Variants in EDIL3 observed in about 807,000 individuals in gnomAD.
EDIL3 encodes EGF-like repeat and discoidin I-like domain-containing protein 3.
A neutral mutation model predicts 67.4 loss-of-function variants in EDIL3; 37 were observed. The ratio of observed to expected loss-of-function variants is 0.55; its 90% CI spans 0.42 to 0.72. The LOEUF is 0.72. EDIL3 is among the 30% of genes least tolerant of loss of function. The pLI, the probability that EDIL3 is intolerant of heterozygous loss-of-function variation, is 0.00. For missense variants in EDIL3, 527 were observed against 586.3 expected (o/e 0.90, Z 1.04); for synonymous variants, 195 against 196.3 (o/e 0.99, Z 0.05).
chr5:84,100,013 C>T (rs986169379), intron 6 of EDIL3, among the ~76,000 whole-genome samples: 4 of 152,056 alleles, frequency 2.6e-5, no homozygotes, highest in East Asian at 3.9e-4. Context: ...AAGTAGAAAT[C>T]GAAACCACAA....
intron 1 of EDIL3, among the ~76,000 whole-genome samples, chr5:84,371,613 A>C (rs1027698400): frequency 4.6e-5 from 7 of 151,518 alleles, no homozygotes; most frequent in Admixed American, 3.3e-4. Context: ...ACATGATAAA[A>C]AATAACAATA....
At chr5:84,199,359 T>A (rs1268665667) in intron 3 of EDIL3, among the ~76,000 whole-genome samples, 1 of 152,024 alleles carries the variant, frequency 6.6e-6, no homozygotes, top group East Asian at 1.9e-4. Flanking sequence ...TGAAAACAAC[T>A]GACCTCAAAA....
chr5:84,058,439 A>G (rs1746486941), intron 9 of EDIL3, among the ~76,000 whole-genome samples: 1 of 152,148 alleles, frequency 6.6e-6, no homozygotes. Context: ...AAAGCTGGTT[A>G]AGAAGCTTCT....
chr5:84,340,534 CTATATA>C (rs776456328), intron 1 of EDIL3, among the ~76,000 whole-genome samples: 1,296 of 54,072 alleles, frequency 0.024, 24 homozygotes, highest in Admixed American at 0.031. Flanking sequence ...CTCTCTCTCT[CTATATA>C]TATATATATA....
rs575805515 is a variant in EDIL3, at chr5:83,961,365, G to T, written c.1293+1840C>A. Among the ~76,000 whole-genome samples the T allele has an allele frequency of 2.8e-4, 43 of 150,950 alleles. 1 individual carries two copies. In the South Asian group the frequency reaches 5.2e-3, roughly 18 times the overall value. On this transcript the variant is annotated intron_variant, in intron 10 of 10. Transcript: ENST00000296591. ...GAAAACCTGAGTAACTCTATCAAAC[G>T]ACACAAAAATTTTATGTAAGTTTCA...
intron 3 of EDIL3, among the ~76,000 whole-genome samples, chr5:84,186,990 C>T (rs1027169208): frequency 7.2e-5 from 11 of 152,034 alleles, no homozygotes; most frequent in African/African-American, 1.2e-4. Flanking sequence ...TCATAAAATT[C>T]GAAATTATCT....
At chr5:84,331,497 C>T (rs115538717) in intron 1 of EDIL3, among the ~76,000 whole-genome samples, 2,390 of 152,226 alleles carry the variant, frequency 0.016, 67 homozygotes, top group African/African-American at 0.055. Context: ...AGGGGCTTTG[C>T]CCTGCCTTTG....
intron 6 of EDIL3, among the ~76,000 whole-genome samples, chr5:84,102,923 C>T (rs1243509604): frequency 1.3e-5 from 2 of 151,668 alleles, no homozygotes; most frequent in East Asian, 3.9e-4. Flanking sequence ...AAAAATAAAA[C>T]CCCCCAAAAG....
At chr5:84,137,148 AATAT>A (rs1748105454) in intron 5 of EDIL3, 89 bp downstream of exon 5, 4 of 841,994 alleles carry the variant, frequency 4.8e-6, no homozygotes, top group Non-Finnish European at 6.9e-6. Flanking sequence ...TGTACATAAA[AATAT>A]ATATGCATAC....
At chr5:84,252,615 A>G (rs1316558591) in intron 2 of EDIL3, among the ~76,000 whole-genome samples, 2 of 151,530 alleles carry the variant, frequency 1.3e-5, no homozygotes, top group Non-Finnish European at 2.9e-5. Flanking sequence ...ATTATATACT[A>G]TTATACAACT....
chr5:84,382,256 C>G (rs1186043508), intron 1 of EDIL3, among the ~76,000 whole-genome samples: 3 of 152,168 alleles, frequency 2.0e-5, no homozygotes, highest in African/African-American at 7.2e-5. Flanking sequence ...TCTAAGAGAA[C>G]CAGGATGGAG....
chr5:84,000,632 G>C (rs1184254873), intron 9 of EDIL3, among the ~76,000 whole-genome samples: 2 of 151,172 alleles, frequency 1.3e-5, no homozygotes, highest in African/African-American at 4.8e-5. Flanking sequence ...AAATGTAAAA[G>C]AGGAAGAAAG....
At chr5:83,995,823 C>T (rs1161233490) in intron 9 of EDIL3, among the ~76,000 whole-genome samples, 1 of 152,144 alleles carries the variant, frequency 6.6e-6, no homozygotes, top group Non-Finnish European at 1.5e-5. Context: ...CTGAATCCTC[C>T]TCCTATCCAG....
intron 9 of EDIL3, among the ~76,000 whole-genome samples, chr5:83,999,338 A>C (rs1745285127): frequency 6.6e-6 from 1 of 152,186 alleles, no homozygotes; most frequent in African/African-American, 2.4e-5. Flanking sequence ...TGACAGAGAT[A>C]ATCAAACTTT....
chr5:84,214,062 CA>C (rs1744179670), intron 3 of EDIL3, among the ~76,000 whole-genome samples: 1 of 152,158 alleles, frequency 6.6e-6, no homozygotes, highest in Admixed American at 6.5e-5. Flanking sequence ...CCATACCCAG[CA>C]TTAGATGATG....
rs1028327462 is a variant in EDIL3, at chr5:84,078,838, T to C, written c.652-12232A>G. The C allele has an allele frequency of 3.9e-5, 6 of 152,122 alleles. No homozygotes were observed. In the South Asian group the frequency reaches 1.2e-3, roughly 32 times the overall value. 9.4% of individuals were successfully genotyped at this position (152,122 alleles called of 1,614,324 possible). On this transcript the variant is annotated intron_variant, in intron 6 of 10. Coordinates refer to ENST00000296591, the MANE Select transcript of EDIL3 (RefSeq NM_005711.5). Reference sequence around the variant, plus strand: ...GTTGAATACAGAGGTCCTAAATCCATTGGAATTTTTTGGGTGATAGAAACC... The same window carrying C: ...GTTGAATACAGAGGTCCTAAATCCACTGGAATTTTTTGGGTGATAGAAACC...
intron 5 of EDIL3, among the ~76,000 whole-genome samples, chr5:84,131,590 C>T (rs1299572986): frequency 6.6e-6 from 1 of 152,098 alleles, no homozygotes; most frequent in Admixed American, 6.6e-5. Flanking sequence ...AAATTAATCA[C>T]TCAATAGCTC....
At chr5:84,194,205 A>C (rs1743652207) in intron 3 of EDIL3, among the ~76,000 whole-genome samples, 2 of 151,894 alleles carry the variant, frequency 1.3e-5, no homozygotes, top group Admixed American at 6.6e-5. Context: ...TTTCATATTT[A>C]CCTAGCATCT....
chr5:84,202,411 A>G (rs1743863106), intron 3 of EDIL3, among the ~76,000 whole-genome samples: 1 of 152,186 alleles, frequency 6.6e-6, no homozygotes, highest in Admixed American at 6.5e-5. Context: ...AGTGTGATGT[A>G]TTCATTTCAT....
Sources: gnomAD v4.1 joint callset for allele counts (sites outside exome capture counted in the v4.1 genomes callset) on GRCh38, gnomAD v4.1.1 for gene constraint, MANE v1.5 for transcripts, NCBI Gene and HGNC (gene_info 2026-07-23, HGNC 2026-07-21) for gene names.